The following CCDC178 variants were observed in gnomAD, a reference collection of about 807,000 sequenced individuals.
The protein encoded by CCDC178 is coiled-coil domain-containing protein 178.
In CCDC178, 126 loss-of-function variants were observed where a neutral mutation model predicts 117.4. The ratio of observed to expected loss-of-function variants is 1.07; its 90% CI spans 0.93 to 1.24. CCDC178 has a LOEUF of 1.24. Ranked by LOEUF, CCDC178 falls within the 50% of genes most tolerant of loss-of-function variation. The probability of loss-of-function intolerance (pLI) is 0.00; values close to 1 mark genes in which losing one functional copy is unlikely to be tolerated. For synonymous variants in CCDC178, 283 were observed against 313.4 expected (o/e 0.90, Z 1.02); for missense variants, 1,030 against 986.9 (o/e 1.04, Z -0.59).
At chr18:33,104,540 C>T (rs2057677527) in intron 20 of CCDC178, among the ~76,000 whole-genome samples, 2 of 151,714 alleles carry the variant, frequency 1.3e-5, no homozygotes, top group Non-Finnish European at 2.9e-5. Context: ...CCTCTTGTCA[C>T]TCCTGAAAAC....
chr18:33,373,899 GAATTAGTTCTCCAGTTATAAGC>G lies in CCDC178; in HGVS notation c.209-3732_209-3711del, dbSNP rs2063332132. Among the ~76,000 whole-genome samples, 3 of 152,206 alleles carry G rather than the reference GAATTAGTTCTCCAGTTATAAGC, an allele frequency of 2.0e-5. No homozygotes were observed. The South Asian group carries it at 6.2e-4, about 31-fold the overall frequency. Reference sequence around the variant, plus strand: ...CATCCATGAAGGAGTAACTGATGTGGAATTAGTTCTCCAGTTATAAGCAACTCTAAATCTGGATTTTAAAATA... The same window carrying G: ...CATCCATGAAGGAGTAACTGATGTGGAACTCTAAATCTGGATTTTAAAATA... On this transcript the variant is annotated intron_variant, in intron 5 of 22. Transcript: ENST00000383096.
At chr18:33,288,818 G>A (rs746597593) in intron 12 of CCDC178, among the ~76,000 whole-genome samples, 5 of 152,150 alleles carry the variant, frequency 3.3e-5, no homozygotes, top group South Asian at 4.1e-4. Flanking sequence ...GTGTCAAACA[G>A]ACATTATATT....
intron 20 of CCDC178, among the ~76,000 whole-genome samples, chr18:33,204,015 A>G (rs1047817707): frequency 6.6e-6 from 1 of 152,218 alleles, no homozygotes; most frequent in Non-Finnish European, 1.5e-5. Flanking sequence ...CAGAGTTGAC[A>G]CTAATGTGAA....
chr18:33,264,784 C>T (rs1400616442), intron 14 of CCDC178, among the ~76,000 whole-genome samples: 1 of 152,050 alleles, frequency 6.6e-6, no homozygotes. Flanking sequence ...GTATCACCCT[C>T]CTGTGGAAGC....
chr18:33,056,969 C>A (rs1187172480), intron 21 of CCDC178, among the ~76,000 whole-genome samples: 3 of 115,468 alleles, frequency 2.6e-5, no homozygotes, highest in South Asian at 5.6e-4. Flanking sequence ...TTTTTGCTTT[C>A]CACTATTTTT....
At chr18:33,260,780 CT>C (rs953934170) in intron 14 of CCDC178, among the ~76,000 whole-genome samples, 6 of 150,674 alleles carry the variant, frequency 4.0e-5, no homozygotes, top group Admixed American at 6.6e-5. Context: ...AGAGGTAAGA[CT>C]TTTTTTTTGT....
At chr18:33,188,659 A>G (rs1294806783) in intron 20 of CCDC178, among the ~76,000 whole-genome samples, 1 of 152,150 alleles carries the variant, frequency 6.6e-6, no homozygotes, top group Non-Finnish European at 1.5e-5. Context: ...CTTCAGTTTT[A>G]ACAACCACAG....
At chr18:33,371,784 T>TATACACACACACAC (rs369419194) in intron 5 of CCDC178, among the ~76,000 whole-genome samples, 2 of 144,192 alleles carry the variant, frequency 1.4e-5, no homozygotes, top group African/African-American at 5.1e-5. Flanking sequence ...TAAACATATA[T>TATACACACACACAC]ACACACACAC....
chr18:33,102,112 C>T (rs2057636835), intron 20 of CCDC178, among the ~76,000 whole-genome samples: 2 of 151,644 alleles, frequency 1.3e-5, no homozygotes, highest in Admixed American at 1.3e-4. Context: ...CCAGAGATAG[C>T]ATTAACAATT....
At chr18:33,268,875 A>G (rs1231606568) in intron 12 of CCDC178, among the ~76,000 whole-genome samples, 1 of 151,846 alleles carries the variant, frequency 6.6e-6, no homozygotes, top group Non-Finnish European at 1.5e-5. Flanking sequence ...CAATCTAGGG[A>G]GCACTGATTT....
intron 21 of CCDC178, among the ~76,000 whole-genome samples, chr18:33,061,859 G>T (rs983589569): frequency 6.6e-6 from 1 of 152,040 alleles, no homozygotes; most frequent in African/African-American, 2.4e-5. Flanking sequence ...ACATGCATTG[G>T]TTTAGTGAAA....
chr18:33,031,154 CT>C (rs1485641665), intron 21 of CCDC178, among the ~76,000 whole-genome samples: 1 of 151,680 alleles, frequency 6.6e-6, no homozygotes, highest in Non-Finnish European at 1.5e-5. Flanking sequence ...TCCTCTAGTT[CT>C]TTACTGCTTC....
chr18:33,215,628 T>A lies in CCDC178; in HGVS notation c.2000A>T (p.Lys667Ile), dbSNP rs138991378. The A allele has an allele frequency of 2.3e-4, 350 of 1,535,518 alleles. 1 individual carries two copies. The African/African-American group carries it at 4.7e-3, about 21-fold the overall frequency. The change falls in exon 19 of 23, where the codon AAA (lysine) becomes ATA (isoleucine). Residue 667 changes from lysine to isoleucine, a missense_variant. Lys to Ile is a moderately radical substitution (Grantham distance 102, BLOSUM62 -3). Coordinates refer to ENST00000383096, the MANE Select transcript of CCDC178 (RefSeq NM_001105528.4). ...TKSKTMIFYA[K>I]INELNEELKA... ...TAATTCCTCATTCAATTCATTTATT[T>A]TTGCATAAAAAATCATTGTCTTACT... is the stretch of plus-strand genomic sequence containing the variant.
At position 33,140,971 on chromosome 18, in the gene CCDC178, A is replaced by G. The variant is rs117488421; in HGVS notation, c.2239-48061T>C. The stretch of plus-strand genomic sequence containing the variant: ...TCCTGTGCTGTTCTTGTGATAGTCA[A>G]TGAGTCTCACAAGATCTGATGGTTT... On this transcript the variant is annotated intron_variant, in intron 20 of 22. Coordinates refer to ENST00000383096, the MANE Select transcript of CCDC178 (RefSeq NM_001105528.4). Among the ~76,000 whole-genome samples the G allele has an allele frequency of 2.2e-3, 341 of 152,232 alleles. 2 individuals carry two copies. Among genetic ancestry groups the G allele is most frequent in the Middle Eastern group, 6.8e-3 (2 of 294 alleles).
rs553690521 is a variant in CCDC178, at chr18:33,333,581, T to C, written c.659-187A>G. Among the ~76,000 whole-genome samples the C allele has an allele frequency of 9.4e-5, 14 of 148,190 alleles. No individual in the cohort carries two copies. The Middle Eastern group carries it at 0.014, about 147-fold the overall frequency. On this transcript the variant is annotated intron_variant, in intron 9 of 22. Coordinates refer to ENST00000383096, the MANE Select transcript of CCDC178 (RefSeq NM_001105528.4). Reference sequence around the variant, plus strand: ...CCCAGGTTGGAGTGCAATGGCACGATCTTGGCTTACTGCAACCTCTGCCTC... The same window carrying C: ...CCCAGGTTGGAGTGCAATGGCACGACCTTGGCTTACTGCAACCTCTGCCTC...
At chr18:33,147,853 C>A (rs917455383) in intron 20 of CCDC178, among the ~76,000 whole-genome samples, 16 of 152,228 alleles carry the variant, frequency 1.1e-4, no homozygotes, top group African/African-American at 3.9e-4. Context: ...CCATTGTCAT[C>A]ATGGCCCGTT....
chr18:33,196,931 GC>G (rs2058937628), intron 20 of CCDC178, among the ~76,000 whole-genome samples: 1 of 152,126 alleles, frequency 6.6e-6, no homozygotes, highest in Non-Finnish European at 1.5e-5. Context: ...TATATTGCTT[GC>G]ATTCTGTCTA....
At chr18:33,397,991 G>A (rs1313106700) in intron 3 of CCDC178, among the ~76,000 whole-genome samples, 3 of 151,840 alleles carry the variant, frequency 2.0e-5, no homozygotes, top group African/African-American at 7.3e-5. Context: ...CATTGTAAAA[G>A]TATCTTTTTC....
chr18:33,047,437 T>C (rs1315044004), intron 21 of CCDC178, among the ~76,000 whole-genome samples: 1 of 152,212 alleles, frequency 6.6e-6, no homozygotes, highest in African/African-American at 2.4e-5. Context: ...GTTTGTCAAC[T>C]ATGAAACAAT....
Sources: gnomAD v4.1 joint callset for allele counts (sites outside exome capture counted in the v4.1 genomes callset) on GRCh38, gnomAD v4.1.1 for gene constraint, MANE v1.5 for transcripts, NCBI Gene and HGNC (gene_info 2026-07-23, HGNC 2026-07-21) for gene names.